CACNA2D3: variants seen among roughly 807,000 people sequenced by gnomAD.
CACNA2D3 encodes the protein calcium voltage-gated channel auxiliary subunit alpha2delta 3, also known as voltage-dependent calcium channel subunit alpha-2/delta-3.
CACNA2D3 carries 60 observed loss-of-function variants against 160.6 expected under a neutral mutation model. That is an observed-to-expected ratio of 0.37 (90% CI 0.30 to 0.46). The LOEUF (loss-of-function observed/expected upper bound fraction) is 0.46, where lower values mean the gene tolerates loss of function less well. CACNA2D3 is among the 20% of genes least tolerant of loss of function. CACNA2D3 has a pLI of 1.00. For synonymous variants in CACNA2D3, 558 were observed against 492.9 expected (o/e 1.13, Z -1.75); for missense variants, 1,205 against 1,365.0 (o/e 0.88, Z 1.85).
At chr3:55,039,754 A>C (rs1271743891) in intron 35 of CACNA2D3, among the ~76,000 whole-genome samples, 2 of 152,228 alleles carry the variant, frequency 1.3e-5, no homozygotes, top group African/African-American at 4.8e-5. Flanking sequence ...TAGAGACCAC[A>C]ATCTGGGCCT....
At chr3:54,495,286 C>G (rs755877565) in intron 4 of CACNA2D3, among the ~76,000 whole-genome samples, 5 of 152,124 alleles carry the variant, frequency 3.3e-5, no homozygotes, top group Non-Finnish European at 4.4e-5. Flanking sequence ...AGTTCTGTTT[C>G]TATAAACTTC....
intron 11 of CACNA2D3, among the ~76,000 whole-genome samples, chr3:54,706,834 C>T (rs939643583): frequency 6.6e-6 from 1 of 152,172 alleles, no homozygotes; most frequent in African/African-American, 2.4e-5. Context: ...TAATGGATTT[C>T]ATTTGGGGCC....
At chr3:54,139,639 T>C (rs1189788551) in intron 2 of CACNA2D3, among the ~76,000 whole-genome samples, 1 of 152,214 alleles carries the variant, frequency 6.6e-6, no homozygotes, top group Non-Finnish European at 1.5e-5. Flanking sequence ...TTTTAGACAG[T>C]GAGTAAATTG....
intron 5 of CACNA2D3, among the ~76,000 whole-genome samples, chr3:54,559,253 C>T (rs1702286809): frequency 6.6e-6 from 1 of 152,108 alleles, no homozygotes; most frequent in Non-Finnish European, 1.5e-5. Context: ...CTTGTTTATT[C>T]TCCTTCTTTG....
chr3:54,236,761 G>T (rs1299830895), intron 2 of CACNA2D3, among the ~76,000 whole-genome samples: 1 of 152,142 alleles, frequency 6.6e-6, no homozygotes, highest in Non-Finnish European at 1.5e-5. Context: ...GTCAAGCCAT[G>T]CTGCCCTGGG....
At chr3:54,826,322 C>T (rs1703749907) in intron 14 of CACNA2D3, among the ~76,000 whole-genome samples, 1 of 152,126 alleles carries the variant, frequency 6.6e-6, no homozygotes. Context: ...TGAAATGACC[C>T]TCTGGGGTAA....
intron 2 of CACNA2D3, among the ~76,000 whole-genome samples, chr3:54,165,751 G>A (rs116848940): frequency 6.6e-6 from 1 of 152,040 alleles, no homozygotes; most frequent in Admixed American, 6.6e-5. Context: ...TGAGCCATGC[G>A]CATGCTACTG....
At chr3:54,897,544 C>T (rs1257664308) in intron 26 of CACNA2D3, among the ~76,000 whole-genome samples, 1 of 151,976 alleles carries the variant, frequency 6.6e-6, no homozygotes, top group African/African-American at 2.4e-5. Context: ...ATTTTGGGTG[C>T]TCACTCTATA....
intron 2 of CACNA2D3, among the ~76,000 whole-genome samples, chr3:54,262,638 C>T (rs1702423937): frequency 6.6e-6 from 1 of 152,028 alleles, no homozygotes; most frequent in South Asian, 2.1e-4. Context: ...AATCTGCAGA[C>T]ATTTGCTGAG....
At chr3:54,462,029 T>G (rs1476248138) in intron 4 of CACNA2D3, among the ~76,000 whole-genome samples, 2 of 152,196 alleles carry the variant, frequency 1.3e-5, no homozygotes, top group Non-Finnish European at 2.9e-5. Flanking sequence ...TTCATTTCGT[T>G]ATGTACCCTG....
At chr3:54,253,357 G>A (rs1702232356) in intron 2 of CACNA2D3, among the ~76,000 whole-genome samples, 1 of 152,002 alleles carries the variant, frequency 6.6e-6, no homozygotes, top group African/African-American at 2.4e-5. Context: ...TTGGCTTCTG[G>A]GGAGGCCTCA....
intron 11 of CACNA2D3, among the ~76,000 whole-genome samples, chr3:54,751,093 C>T (rs1045227898): frequency 1.3e-5 from 2 of 151,952 alleles, no homozygotes; most frequent in Admixed American, 6.6e-5. Flanking sequence ...CTTTTCCCCC[C>T]AAGAGAAGCC....
At chr3:54,827,675 G>C (rs188966151) in intron 14 of CACNA2D3, among the ~76,000 whole-genome samples, 1 of 152,326 alleles carries the variant, frequency 6.6e-6, no homozygotes, top group East Asian at 1.9e-4. Flanking sequence ...TGAAGGAGCC[G>C]TGAGCAAGGA....
intron 4 of CACNA2D3, among the ~76,000 whole-genome samples, chr3:54,463,703 G>T (rs1373291770): frequency 6.6e-6 from 1 of 152,040 alleles, no homozygotes; most frequent in Non-Finnish European, 1.5e-5. Context: ...TAACTTTTTT[G>T]CCTTTGGTTT....
chr3:54,629,056 G>A (rs1699180438), intron 10 of CACNA2D3, among the ~76,000 whole-genome samples: 1 of 152,020 alleles, frequency 6.6e-6, no homozygotes, highest in South Asian at 2.1e-4. Context: ...TATGATCCTT[G>A]TCAAACTGTT....
chr3:54,663,484 G>T (rs562011533), intron 11 of CACNA2D3, among the ~76,000 whole-genome samples: 1 of 152,230 alleles, frequency 6.6e-6, no homozygotes, highest in Non-Finnish European at 1.5e-5. Flanking sequence ...CAGGAGGTTT[G>T]TGTGAAACCC....
chr3:54,183,777 C>T (rs529798812), intron 2 of CACNA2D3, among the ~76,000 whole-genome samples: 23 of 149,764 alleles, frequency 1.5e-4, no homozygotes, highest in African/African-American at 5.2e-4. Context: ...CCCAGCTACT[C>T]GGGAGGCTGA....
chr3:54,492,956 C>T (rs546541149), intron 4 of CACNA2D3, among the ~76,000 whole-genome samples: 2 of 149,182 alleles, frequency 1.3e-5, no homozygotes, highest in African/African-American at 5.0e-5. Context: ...CATTTAATGT[C>T]ATTTTTGTAG....
chr3:54,622,597 T>TAA (rs779663329), intron 9 of CACNA2D3, among the ~76,000 whole-genome samples: 3 of 150,802 alleles, frequency 2.0e-5, no homozygotes, highest in South Asian at 2.1e-4. Context: ...TTTTTTTTTT[T>TAA]AAATCAGAGT....
Sources: gnomAD v4.1 joint callset for allele counts (sites outside exome capture counted in the v4.1 genomes callset) on GRCh38, gnomAD v4.1.1 for gene constraint, MANE v1.5 for transcripts, NCBI Gene and HGNC (gene_info 2026-07-23, HGNC 2026-07-21) for gene names.